Variants in MACROD2 observed in about 807,000 individuals in gnomAD.
The protein encoded by MACROD2 is ADP-ribose glycohydrolase MACROD2.
A neutral mutation model predicts 70.4 loss-of-function variants in MACROD2; 36 were observed. The observed-to-expected ratio is 0.51, with a 90% CI of 0.39 to 0.68. MACROD2 has a LOEUF of 0.68. MACROD2 is among the 30% of genes least tolerant of loss of function. The pLI, the probability that MACROD2 is intolerant of heterozygous loss-of-function variation, is 0.00. For missense variants in MACROD2, 496 were observed against 538.4 expected, an observed-to-expected ratio of 0.92 and a Z score of 0.78; for synonymous variants, 172 against 178.8, an observed-to-expected ratio of 0.96 and a Z score of 0.30.
intron 8 of MACROD2, among the ~76,000 whole-genome samples, chr20:15,842,712 G>GGATATATAGATA: frequency 7.1e-6 from 1 of 141,694 alleles, no homozygotes; most frequent in Admixed American, 7.2e-5. Context: ...GTGGGTGGAT[G>GGATATATAGATA]GATAGATAGA....
chr20:16,003,217 G>A (rs2066739702), intron 15 of MACROD2, among the ~76,000 whole-genome samples: 1 of 152,048 alleles, frequency 6.6e-6, no homozygotes, highest in Non-Finnish European at 1.5e-5. Context: ...TGGACCAGTA[G>A]CTTCAGCATC....
intron 5 of MACROD2, among the ~76,000 whole-genome samples, chr20:15,117,873 C>A (rs573594088): frequency 2.0e-5 from 3 of 152,192 alleles, no homozygotes; most frequent in Admixed American, 2.0e-4. Flanking sequence ...TGCTTTGTAG[C>A]CCTTTGCTCT....
chr20:15,214,618 CT>C (rs1330350399), intron 5 of MACROD2, among the ~76,000 whole-genome samples: 5 of 152,026 alleles, frequency 3.3e-5, no homozygotes, highest in African/African-American at 1.2e-4. Flanking sequence ...CTTGTGAAAA[CT>C]TTCATATTTT....
chr20:15,037,397 A>T (rs897092413), intron 5 of MACROD2, among the ~76,000 whole-genome samples: 1 of 152,246 alleles, frequency 6.6e-6, no homozygotes, highest in Middle Eastern at 3.2e-3. Context: ...CAGGTTGAGA[A>T]TTAAAAACAA....
At chr20:14,897,401 A>T in intron 5 of MACROD2, among the ~76,000 whole-genome samples, 1 of 152,176 alleles carries the variant, frequency 6.6e-6, no homozygotes, top group East Asian at 1.9e-4. Flanking sequence ...TCAATTTTAC[A>T]TGCAGAATTT....
At chr20:15,265,804 G>C (rs2077289343) in intron 6 of MACROD2, among the ~76,000 whole-genome samples, 3 of 152,094 alleles carry the variant, frequency 2.0e-5, no homozygotes, top group Admixed American at 6.6e-5. Context: ...GAAAAAAAAA[G>C]TTACCAGCTA....
At chr20:14,113,909 C>T (rs1033447714) in intron 3 of MACROD2, among the ~76,000 whole-genome samples, 4 of 152,010 alleles carry the variant, frequency 2.6e-5, no homozygotes, top group African/African-American at 9.7e-5. Context: ...TTTATTTATT[C>T]ATTAATATTT....
At chr20:14,171,500 A>G (rs1395811038) in intron 3 of MACROD2, among the ~76,000 whole-genome samples, 3 of 152,042 alleles carry the variant, frequency 2.0e-5, no homozygotes, top group South Asian at 2.1e-4. Flanking sequence ...TCCTAGTGCC[A>G]TTTTTGCTGT....
chr20:15,330,488 T>C (rs1242089488), intron 6 of MACROD2, among the ~76,000 whole-genome samples: 1 of 151,458 alleles, frequency 6.6e-6, no homozygotes, highest in Non-Finnish European at 1.5e-5. Context: ...AATCAAGGTG[T>C]AGATTAGTGG....
At chr20:14,669,217 C>T (rs1910961201) in intron 4 of MACROD2, among the ~76,000 whole-genome samples, 1 of 152,144 alleles carries the variant, frequency 6.6e-6, no homozygotes, top group East Asian at 1.9e-4. Context: ...ATCTCCTCTC[C>T]AGAGTTACAG....
chr20:14,414,807 G>C (rs1369514141), intron 3 of MACROD2, among the ~76,000 whole-genome samples: 1 of 151,996 alleles, frequency 6.6e-6, no homozygotes, highest in African/African-American at 2.4e-5. Context: ...ATGGTCACCT[G>C]GCTTGCACCT....
intron 5 of MACROD2, among the ~76,000 whole-genome samples, chr20:15,124,253 G>A (rs2076050607): frequency 6.6e-6 from 1 of 151,554 alleles, no homozygotes; most frequent in Non-Finnish European, 1.5e-5. Flanking sequence ...AAAAATGTTG[G>A]AGTGTGAGAT....
At chr20:14,748,739 T>C (rs1259749393) in intron 5 of MACROD2, among the ~76,000 whole-genome samples, 4 of 152,116 alleles carry the variant, frequency 2.6e-5, no homozygotes, top group Admixed American at 6.5e-5. Flanking sequence ...TTGAGTTGAA[T>C]TGGCTTTAGA....
chr20:14,061,845 G>A (rs1456360384), intron 2 of MACROD2, among the ~76,000 whole-genome samples: 1 of 151,944 alleles, frequency 6.6e-6, no homozygotes, highest in Non-Finnish European at 1.5e-5. Context: ...AAGTCTGTTG[G>A]GCTTCTGATA....
Position 14,525,581 on chromosome 20 carries a change from AATTGGCAT to A in MACROD2, c.301+32077_301+32084del, listed in dbSNP as rs530658551. Reference sequence around the variant, plus strand: ...CATGCCCAGGCTTGTCAGACTCTGAAATTGGCATATTTTTACAATGCCATGTGGCCACC... The same window carrying A: ...CATGCCCAGGCTTGTCAGACTCTGAAATTTTTACAATGCCATGTGGCCACC... On this transcript the variant is annotated intron_variant, in intron 4 of 17. Transcript: ENST00000684519. Among the ~76,000 whole-genome samples, 211 of 152,350 alleles carry A rather than the reference AATTGGCAT, an allele frequency of 1.4e-3. 1 individual carries two copies. The highest frequency in any genetic ancestry group is 4.5e-3 in the African/African-American group (189 of 41,576).
intron 5 of MACROD2, among the ~76,000 whole-genome samples, chr20:15,048,890 A>G (rs1224354332): frequency 6.6e-6 from 1 of 152,116 alleles, no homozygotes; most frequent in Non-Finnish European, 1.5e-5. Context: ...GTTTTTCAAC[A>G]TTGTTCTGTC....
At chr20:15,938,028 G>T (rs1399479227) in intron 12 of MACROD2, among the ~76,000 whole-genome samples, 1 of 150,866 alleles carries the variant, frequency 6.6e-6, no homozygotes, top group Non-Finnish European at 1.5e-5. Context: ...TCTGTCAGAA[G>T]TTACTATGAG....
At chr20:15,548,066 T>C (rs1327617936) in intron 8 of MACROD2, among the ~76,000 whole-genome samples, 1 of 152,148 alleles carries the variant, frequency 6.6e-6, no homozygotes, top group Non-Finnish European at 1.5e-5. Flanking sequence ...CATTTACTTA[T>C]CCATCCCTAT....
intron 5 of MACROD2, among the ~76,000 whole-genome samples, chr20:15,056,109 A>G (rs1445810722): frequency 6.6e-6 from 1 of 152,084 alleles, no homozygotes; most frequent in East Asian, 1.9e-4. Flanking sequence ...TTTAAAGTCT[A>G]CTTGACAGCT....
Sources: allele counts gnomAD v4.1 joint callset (sites outside exome capture counted in the v4.1 genomes callset), GRCh38; gene constraint gnomAD v4.1.1; transcripts MANE v1.5; gene names NCBI Gene and HGNC (gene_info 2026-07-23, HGNC 2026-07-21).